WWOX: variants seen among roughly 807,000 people sequenced by gnomAD.
WWOX encodes WW domain containing oxidoreductase, also known as WW domain-containing oxidoreductase.
In WWOX, 69 loss-of-function variants were observed where a neutral mutation model predicts 46.2. That is an observed-to-expected ratio of 1.49 (90% CI 1.23 to 1.82). The LOEUF is 1.82. Ranked by LOEUF, WWOX falls within the 40% of genes most tolerant of loss-of-function variation. WWOX has a pLI of 0.00. For missense variants in WWOX, 919 were observed against 542.6 expected (o/e 1.69, Z -6.89); for synonymous variants, 359 against 202.6 (o/e 1.77, Z -6.56).
intron 5 of WWOX, among the ~76,000 whole-genome samples, chr16:78,347,204 C>G (rs1383411186): frequency 8.6e-6 from 1 of 116,188 alleles, no homozygotes; most frequent in Admixed American, 8.6e-5. Flanking sequence ...CCTTCCCCCG[C>G]CCCCTCCATT....
chr16:78,614,542 G>A lies in WWOX; in HGVS notation c.1056+181790G>A, dbSNP rs191483410. ...GGCTCACTTCTGAAGCTGACCTTGG[G>A]GAGCAGATTGAACACCTGTTGATGC... is the stretch of plus-strand genomic sequence containing the variant. On this transcript the variant is annotated intron_variant, in intron 8 of 8. Transcript: ENST00000566780. Among the ~76,000 whole-genome samples, 750 of 152,280 alleles carry A rather than the reference G, an allele frequency of 4.9e-3. 4 individuals carry two copies. The highest frequency in any genetic ancestry group is 8.1e-3 in the Non-Finnish European group (549 of 68,030).
intron 8 of WWOX, among the ~76,000 whole-genome samples, chr16:78,538,291 T>C (rs1597232089): frequency 6.7e-6 from 1 of 149,572 alleles, no homozygotes; most frequent in East Asian, 2.0e-4. Context: ...TTATTTTGGA[T>C]GTCTGGGGTT....
At chr16:79,010,831 G>A (rs1175540572) in intron 8 of WWOX, among the ~76,000 whole-genome samples, 2 of 152,004 alleles carry the variant, frequency 1.3e-5, no homozygotes, top group African/African-American at 2.4e-5. Flanking sequence ...TGGGGGTTCA[G>A]TGACAGTCTG....
rs575209888 is a variant in WWOX at position 78,352,475 on chromosome 16, T to C, written c.517-34385T>C. On this transcript the variant is annotated intron_variant, in intron 5 of 8. Coordinates refer to ENST00000566780, the MANE Select transcript of WWOX (RefSeq NM_016373.4). ...GGGACTGCCCAAATCCTTTGGCTCA[T>C]GGCCCCTTCCTCTATCTTCAAAGCC... Among the ~76,000 whole-genome samples the C allele has an allele frequency of 6.6e-5, 10 of 152,340 alleles. No homozygotes were observed. The South Asian group carries it at 2.1e-3, about 32-fold the overall frequency.
chr16:78,511,209 G>A (rs1184065496), intron 8 of WWOX, among the ~76,000 whole-genome samples: 2 of 152,128 alleles, frequency 1.3e-5, no homozygotes, highest in African/African-American at 2.4e-5. Flanking sequence ...TGTAAAAGCA[G>A]CTGGTTACCT....
chr16:79,106,652 C>T (rs2049314424), intron 8 of WWOX: 1 of 122,138 alleles, frequency 8.2e-6, no homozygotes, highest in Non-Finnish European at 1.6e-5. Context: ...GGTTGGAATG[C>T]AGTGTCAGGA....
At chr16:78,491,295 A>G (rs2084778480) in intron 8 of WWOX, among the ~76,000 whole-genome samples, 2 of 152,096 alleles carry the variant, frequency 1.3e-5, no homozygotes, top group Admixed American at 6.6e-5. Flanking sequence ...TTACAAGGTC[A>G]TCTTTTCCCC....
At position 78,348,638 on chromosome 16, in the gene WWOX, T is replaced by C. The variant is rs1451583465; in HGVS notation, c.517-38222T>C. ...ACACCCAGTTAATTACTACATTTTC[T>C]GTAGAGACGGGCTTTCCCCATGTTG... On this transcript the variant is annotated intron_variant, in intron 5 of 8. Transcript: ENST00000566780. Among the ~76,000 whole-genome samples, 2 of 118,858 alleles carry C rather than the reference T, an allele frequency of 1.7e-5. 1 individual carries two copies. Among genetic ancestry groups the C allele is most frequent in the Non-Finnish European group, 4.0e-5 (2 of 49,970 alleles). 78.0% of individuals were successfully genotyped at this position (118,858 alleles called of 152,430 possible).
chr16:78,346,548 C>A lies in WWOX; in HGVS notation c.517-40312C>A, dbSNP rs1255391496. On this transcript the variant is annotated intron_variant, in intron 5 of 8. Transcript: ENST00000566780. ...GTTTAAGGATCCACTTCCTCTACATCCTTAATAATACTTGATATTATTGGT... is the reference window on the plus strand; with the variant it reads ...GTTTAAGGATCCACTTCCTCTACATACTTAATAATACTTGATATTATTGGT... Among the ~76,000 whole-genome samples the A allele has an allele frequency of 3.3e-5, 4 of 119,772 alleles. 1 individual carries two copies. The highest frequency in any genetic ancestry group is 5.7e-5 in the African/African-American group (2 of 35,300). 78.6% of individuals were successfully genotyped at this position (119,772 alleles called of 152,430 possible). A position where few individuals can be genotyped will look rare whatever the true frequency, so the allele number is the denominator to read the frequency against.
At chr16:78,831,445 T>C (rs753066193) in intron 8 of WWOX, among the ~76,000 whole-genome samples, 3 of 152,160 alleles carry the variant, frequency 2.0e-5, no homozygotes, top group Non-Finnish European at 4.4e-5. Context: ...GTGAATAAAA[T>C]GGGTGCTCTA....
At position 78,752,008 on chromosome 16, in the gene WWOX, T is replaced by G. The variant is rs201754357; in HGVS notation, c.1056+319256T>G. On this transcript the variant is annotated intron_variant, in intron 8 of 8. Coordinates refer to ENST00000566780, the MANE Select transcript of WWOX (RefSeq NM_016373.4). ...AAGAGAATTGGCATTTTTCTTTAAA[T>G]AAGGAGGAGGATGAGGAGAGAGACG... is the stretch of plus-strand genomic sequence containing the variant. Among the ~76,000 whole-genome samples, 648 of 151,848 alleles carry G rather than the reference T, an allele frequency of 4.3e-3. 4 individuals are homozygous for G. The highest frequency in any genetic ancestry group is 0.015 in the African/African-American group (615 of 41,396).
At chr16:78,954,676 T>C (rs1269351751) in intron 8 of WWOX, among the ~76,000 whole-genome samples, 2 of 152,130 alleles carry the variant, frequency 1.3e-5, no homozygotes, top group African/African-American at 4.8e-5. Flanking sequence ...GGCACATAAA[T>C]AAATTCCTGT....
intron 8 of WWOX, among the ~76,000 whole-genome samples, chr16:78,729,658 C>A (rs1472354052): frequency 2.6e-5 from 4 of 152,270 alleles, no homozygotes; most frequent in South Asian, 2.1e-4. Context: ...TTTGGGACTT[C>A]TGGCTTCCGG....
intron 8 of WWOX, among the ~76,000 whole-genome samples, chr16:78,678,414 A>C (rs1470023375): frequency 6.6e-6 from 1 of 152,182 alleles, no homozygotes; most frequent in African/African-American, 2.4e-5. Context: ...AAATGAATGA[A>C]TGGATTATTT....
At chr16:78,929,227 G>C (rs1033166823) in intron 8 of WWOX, among the ~76,000 whole-genome samples, 1 of 151,090 alleles carries the variant, frequency 6.6e-6, no homozygotes, top group Non-Finnish European at 1.5e-5. Flanking sequence ...CTTCAGTTCT[G>C]TTGGGCTTTT....
chr16:78,369,446 G>T (rs1597113914), intron 5 of WWOX, among the ~76,000 whole-genome samples: 1 of 152,112 alleles, frequency 6.6e-6, no homozygotes, highest in Non-Finnish European at 1.5e-5. Context: ...CCAAAATAAA[G>T]AGTTTAAGAA....
intron 8 of WWOX, among the ~76,000 whole-genome samples, chr16:78,485,594 C>G (rs2084614080): frequency 6.6e-6 from 1 of 152,140 alleles, no homozygotes; most frequent in Non-Finnish European, 1.5e-5. Context: ...GGAGGGGAGC[C>G]TGTCTCACAG....
intron 5 of WWOX, among the ~76,000 whole-genome samples, chr16:78,274,126 A>G (rs550706669): frequency 2.0e-5 from 3 of 152,284 alleles, no homozygotes; most frequent in Non-Finnish European, 4.4e-5. Context: ...CCAAACTGGA[A>G]TCACATCCTG....
At chr16:79,114,460 GCAGAAGGC>G (rs2049474767) in intron 8 of WWOX, among the ~76,000 whole-genome samples, 1 of 151,404 alleles carries the variant, frequency 6.6e-6, no homozygotes, top group Non-Finnish European at 1.5e-5. Context: ...ACACACACAA[GCAGAAGGC>G]CATGTGAAGA....
Sources: gnomAD v4.1 joint callset for allele counts (sites outside exome capture counted in the v4.1 genomes callset) on GRCh38, gnomAD v4.1.1 for gene constraint, MANE v1.5 for transcripts, NCBI Gene and HGNC (gene_info 2026-07-23, HGNC 2026-07-21) for gene names.